Variants in EFCAB6 observed in about 807,000 individuals in gnomAD.
The protein encoded by EFCAB6 is EF-hand calcium binding domain 6, also known as EF-hand calcium-binding domain-containing protein 6.
In EFCAB6, 156 loss-of-function variants were observed where a neutral mutation model predicts 169.8. The ratio of observed to expected loss-of-function variants is 0.92; its 90% CI spans 0.81 to 1.05. The LOEUF (loss-of-function observed/expected upper bound fraction) is 1.05, where lower values mean the gene tolerates loss of function less well. EFCAB6 is among the 50% of genes least tolerant of loss of function. The pLI, the probability that EFCAB6 is intolerant of heterozygous loss-of-function variation, is 0.00. For synonymous variants in EFCAB6, 698 were observed against 676.4 expected (o/e 1.03, Z -0.50); for missense variants, 1,800 against 1,829.1 (o/e 0.98, Z 0.29).
chr22:43,712,789 CTT>C (rs11353275), intron 9 of EFCAB6, among the ~76,000 whole-genome samples: 1 of 151,846 alleles, frequency 6.6e-6, no homozygotes, highest in Non-Finnish European at 1.5e-5. Flanking sequence ...GTTTTCCATA[CTT>C]TTTTTTCTTC....
At chr22:43,674,716 T>G (rs1468003597) in intron 13 of EFCAB6, among the ~76,000 whole-genome samples, 1 of 152,246 alleles carries the variant, frequency 6.6e-6, no homozygotes, top group South Asian at 2.1e-4. Flanking sequence ...TAACATTTTA[T>G]GCGCATTATC....
At chr22:43,803,384 A>T (rs1203028536) in intron 2 of EFCAB6, among the ~76,000 whole-genome samples, 1 of 152,232 alleles carries the variant, frequency 6.6e-6, no homozygotes, top group Non-Finnish European at 1.5e-5. Context: ...AAAACTTCAT[A>T]GGGTTTGATA....
intron 27 of EFCAB6, among the ~76,000 whole-genome samples, chr22:43,551,604 C>T (rs746113635): frequency 3.3e-5 from 5 of 152,106 alleles, no homozygotes; most frequent in Non-Finnish European, 2.9e-5. Context: ...CACAGATCAT[C>T]CCATCACTTA....
chr22:43,598,933 T>C (rs2052268039), intron 23 of EFCAB6, among the ~76,000 whole-genome samples: 4 of 152,214 alleles, frequency 2.6e-5, no homozygotes, highest in Admixed American at 1.3e-4. Context: ...CCTCCAAATA[T>C]GTACAACTAT....
intron 9 of EFCAB6, 104 bp from the exon 10 acceptor site, chr22:43,711,727 A>G (rs1341930203): frequency 2.2e-6 from 3 of 1,377,700 alleles, no homozygotes. Context: ...TTTTCTCTCC[A>G]AAAACTGATC....
intron 27 of EFCAB6, among the ~76,000 whole-genome samples, chr22:43,550,671 CAA>C (rs955666013): frequency 4.7e-4 from 35 of 73,924 alleles, no homozygotes; most frequent in African/African-American, 3.9e-4. Flanking sequence ...GACTCTGTCT[CAA>C]AAAAAAAAAA....
intron 11 of EFCAB6, among the ~76,000 whole-genome samples, 185 bp from the exon 12 acceptor site, chr22:43,684,040 A>G (rs964612013): frequency 1.5e-4 from 23 of 152,094 alleles, no homozygotes; most frequent in Admixed American, 3.3e-4. Flanking sequence ...GATCAGAGAG[A>G]TGCCACGAAT....
Position 43,708,612 on chromosome 22 carries a change from G to T in EFCAB6, c.1031+2863C>A, listed in dbSNP as rs532632822. Among the ~76,000 whole-genome samples the T allele has an allele frequency of 7.2e-5, 11 of 152,116 alleles. No homozygotes were observed. In the Middle Eastern group the frequency reaches 0.014, roughly 188 times the overall value. On this transcript the variant is annotated intron_variant, in intron 10 of 31. Coordinates refer to ENST00000262726, the MANE Select transcript of EFCAB6 (RefSeq NM_022785.4). ...CATATAGATATATGCTATTTAATAA[G>T]AAATACCTAAAATATCACAATAAAA...
intron 6 of EFCAB6, among the ~76,000 whole-genome samples, chr22:43,741,569 T>C (rs905994107): frequency 1.3e-5 from 2 of 152,226 alleles, no homozygotes; most frequent in African/African-American, 2.4e-5. Context: ...TAGCTGTTTA[T>C]TGTCTTTCTT....
chr22:43,727,811 T>C (rs1197137493), intron 8 of EFCAB6, among the ~76,000 whole-genome samples: 1 of 152,200 alleles, frequency 6.6e-6, no homozygotes, highest in Non-Finnish European at 1.5e-5. Context: ...AGAGGCTCAT[T>C]TGGCTTATGG....
intron 11 of EFCAB6, among the ~76,000 whole-genome samples, chr22:43,685,985 AT>A (rs137796): frequency 0.93 from 137,827 of 148,398 alleles, 64,084 homozygotes; most frequent in East Asian, 0.98. Flanking sequence ...TTTTAAAACA[AT>A]TTTTTTTTTT....
Position 43,678,282 on chromosome 22 carries a change from T to C in EFCAB6, c.1252-119A>G, listed in dbSNP as rs550913786. On this transcript the variant is annotated intron_variant, in intron 12 of 31. Transcript: ENST00000262726. Reference sequence around the variant, plus strand: ...GAGCTTTGGCCAAATAGAATTATGATTGGAAATGCAAATACATCGACTGAT... The same window carrying C: ...GAGCTTTGGCCAAATAGAATTATGACTGGAAATGCAAATACATCGACTGAT... The C allele has an allele frequency of 3.4e-3, 3,139 of 929,730 alleles. 16 individuals carry two copies. Among genetic ancestry groups the C allele is most frequent in the Non-Finnish European group, 4.4e-3 (2,801 of 634,672 alleles). 57.6% of individuals were successfully genotyped at this position (929,730 alleles called of 1,614,324 possible).
chr22:43,807,533 G>A lies in EFCAB6; in HGVS notation c.-8+1462C>T, dbSNP rs147341775. ...AGTATTGATGTCCAGTTTTAAACACGTGCTATTTATATCAGAATCATAACA... is the reference window on the plus strand; with the variant it reads ...AGTATTGATGTCCAGTTTTAAACACATGCTATTTATATCAGAATCATAACA... On this transcript the variant is annotated intron_variant, in intron 2 of 31. Transcript: ENST00000262726. Among the ~76,000 whole-genome samples, 1,042 of 152,264 alleles carry A rather than the reference G, an allele frequency of 6.8e-3. 19 individuals are homozygous for A. Among genetic ancestry groups the A allele is most frequent in the Non-Finnish European group, 7.3e-3 (496 of 68,028 alleles).
chr22:43,599,794 T>C (rs575558774), intron 23 of EFCAB6, among the ~76,000 whole-genome samples: 1 of 152,264 alleles, frequency 6.6e-6, no homozygotes, highest in African/African-American at 2.4e-5. Flanking sequence ...CGGTATGCCA[T>C]CCACAACTAA....
intron 18 of EFCAB6, among the ~76,000 whole-genome samples, chr22:43,634,257 TACCCAGGG>T (rs1366449417): frequency 2.0e-5 from 3 of 152,180 alleles, no homozygotes; most frequent in African/African-American, 7.2e-5. Context: ...TCAAAACATC[TACCCAGGG>T]ACGGTGCTGA....
rs184946119 is a variant in EFCAB6, at chr22:43,758,349, T to C, written c.441-2517A>G. On this transcript the variant is annotated intron_variant, in intron 5 of 31. Coordinates refer to ENST00000262726, the MANE Select transcript of EFCAB6 (RefSeq NM_022785.4). ...TCCCCTTTCTTACCTTCTTTTGGAT[T>C]GAGTATTTTAAAATCATTTCAATTT... Among the ~76,000 whole-genome samples, 1,368 of 152,304 alleles carry C rather than the reference T, an allele frequency of 9.0e-3. 8 individuals are homozygous for C. The highest frequency in any genetic ancestry group is 0.021 in the Middle Eastern group (6 of 292).
At chr22:43,799,924 G>C (rs1261606202) in intron 2 of EFCAB6, among the ~76,000 whole-genome samples, 1 of 152,120 alleles carries the variant, frequency 6.6e-6, no homozygotes, top group African/African-American at 2.4e-5. Context: ...AAGTGAGATT[G>C]AGGTGGACAA....
At chr22:43,773,760 T>C (rs893639409) in intron 3 of EFCAB6, among the ~76,000 whole-genome samples, 5 of 152,200 alleles carry the variant, frequency 3.3e-5, no homozygotes, top group Non-Finnish European at 7.3e-5. Flanking sequence ...GGCAGGAGAA[T>C]AGCTTGAACC....
intron 20 of EFCAB6, among the ~76,000 whole-genome samples, chr22:43,623,621 C>T (rs537170288): frequency 1.8e-4 from 28 of 151,604 alleles, no homozygotes; most frequent in East Asian, 7.8e-4. Flanking sequence ...TCCGGCCAGG[C>T]GCGGTGGCTC....
Sources: allele counts gnomAD v4.1 joint callset (sites outside exome capture counted in the v4.1 genomes callset), GRCh38; gene constraint gnomAD v4.1.1; transcripts MANE v1.5; gene names NCBI Gene and HGNC (gene_info 2026-07-23, HGNC 2026-07-21).